Variants in CSTL1 observed in about 807,000 individuals in gnomAD.
CSTL1 encodes the protein cystatin like 1, also known as cystatin-like 1.
CSTL1 carries 14 observed loss-of-function variants against 14.4 expected under a neutral mutation model. The ratio of observed to expected loss-of-function variants is 0.97; its 90% confidence interval spans 0.64 to 1.52. The LOEUF is 1.52. CSTL1 is among the 40% of genes most tolerant of loss of function. CSTL1 has a pLI of 0.00. For missense variants in CSTL1, 170 were observed against 168.7 expected, an observed-to-expected ratio of 1.01 and a Z score of -0.04; for synonymous variants, 72 against 67.5, an observed-to-expected ratio of 1.07 and a Z score of -0.33.
chr20:23,444,197 G>A (rs1435775335), intron 3 of CSTL1, among the ~76,000 whole-genome samples, 153 bp downstream of exon 3: 1 of 152,258 alleles, frequency 6.6e-6, no homozygotes, highest in Non-Finnish European at 1.5e-5. Flanking sequence ...CCTGGGTGAA[G>A]GAGGGAGGCT....
At chr20:23,445,620 G>A (rs954702319), downstream of CSTL1, among the ~76,000 whole-genome samples, 1 of 152,028 alleles carries the variant, frequency 6.6e-6, no homozygotes, top group Admixed American at 6.6e-5. Flanking sequence ...TTCTTTCTAC[G>A]CCACCCCACA....
the CSTL1 span, chr20:23,452,670 A>G: frequency 6.2e-7 from 1 of 1,614,086 alleles, no homozygotes; most frequent in Non-Finnish European, 8.5e-7. Context: ...ATCCACTGCA[A>G]GCTGTCCTTC....
chr20:23,449,298 A>T (rs1195266503), downstream of CSTL1, among the ~76,000 whole-genome samples: 1 of 152,130 alleles, frequency 6.6e-6, no homozygotes, highest in Non-Finnish European at 1.5e-5. Context: ...TAGGGAATTC[A>T]TGCCCCCTAA....
rs1032543237 is a variant in CSTL1 at position 23,440,377 on chromosome 20, G to A, written c.110G>A (p.Ser37Asn). 6.2e-7 allele frequency: 1 copy of A among 1,614,148 alleles called. No homozygotes were observed. The change falls in exon 2 of 4, where the codon AGC becomes AAC. Residue 37 changes from serine to asparagine, a missense_variant. Transcript: ENST00000347397. ...GAGGGCTTCCAGCAGAAGCTCATGA[G>A]CAAGAAGAACATGAATTCAACACTC... is the stretch of plus-strand genomic sequence containing the variant. ...RWEGFQQKLM[S>N]KKNMNSTLNF... is the part of the protein sequence containing the mutation.
Position 23,444,752 on chromosome 20 carries a change from T to C in CSTL1, c.331-19T>C. On this transcript the variant is annotated intron_variant, in intron 3 of 3. Transcript: ENST00000347397. ...GAAAAATACTTCCCCCAAAGTCTGT[T>C]TTCTTTCTTCTTCTACAGAGTTTAA... 6.4e-7 allele frequency: 1 copy of C among 1,550,914 alleles called. No homozygotes were observed. Among genetic ancestry groups the C allele is most frequent in the Non-Finnish European group, 8.9e-7 (1 of 1,122,424 alleles).
chr20:23,459,712 A>T, the CSTL1 span, among the ~76,000 whole-genome samples: 2 of 152,256 alleles, frequency 1.3e-5, no homozygotes, highest in Non-Finnish European at 2.9e-5. Context: ...TCACAACTGT[A>T]TCTCCAGGGC....
At chr20:23,444,293 C>A (rs186867315) in intron 3 of CSTL1, among the ~76,000 whole-genome samples, 166 of 152,350 alleles carry the variant, frequency 1.1e-3, no homozygotes, top group African/African-American at 3.8e-3. Flanking sequence ...AGACCCTCTG[C>A]GTGAAAGCAG....
chr20:23,444,164 G>A, intron 3 of CSTL1, 120 bp downstream of exon 3: 1 of 819,856 alleles, frequency 1.2e-6, no homozygotes. Flanking sequence ...CAGCCCTGGG[G>A]CTGTCTGGCA....
At chr20:23,449,593 G>A (rs11908625), downstream of CSTL1, among the ~76,000 whole-genome samples, 13,114 of 152,184 alleles carry the variant, frequency 0.086, 1,338 homozygotes, top group African/African-American at 0.24. Flanking sequence ...ACATGGAGGA[G>A]GAAGTGGAGT....
chr20:23,459,003 T>A, the CSTL1 span: 1 of 152,302 alleles, frequency 6.6e-6, no homozygotes, highest in Non-Finnish European at 1.5e-5. Context: ...GTGCTGTAGC[T>A]CTGTCTTGGT....
At chr20:23,451,919 A>G in the CSTL1 span, 11 of 1,612,932 alleles carry the variant, frequency 6.8e-6, no homozygotes, top group Non-Finnish European at 9.3e-6. Context: ...GTGGTCAGTG[A>G]CCTGTGGGCG....
At chr20:23,448,742 A>G (rs1987014301), downstream of CSTL1, among the ~76,000 whole-genome samples, 1 of 152,212 alleles carries the variant, frequency 6.6e-6, no homozygotes, top group Admixed American at 6.5e-5. Context: ...ACCATAGCAA[A>G]AAATGTCAGA....
the CSTL1 span, chr20:23,450,388 A>C: frequency 1.6e-6 from 1 of 636,772 alleles, no homozygotes; most frequent in Non-Finnish European, 2.6e-6. Context: ...AAAGAAAAAA[A>C]GTGGAATCAC....
In CSTL1 at chr20:23,440,043, T is replaced by G. The variant is rs547530600; in HGVS notation, c.-124-101T>G. On this transcript the variant is annotated intron_variant, in intron 1 of 3. Coordinates refer to ENST00000347397, the MANE Select transcript of CSTL1 (RefSeq NM_138283.1). ...CAGGTGTTTAAAAATTTTGCTTGCC[T>G]GGATCACCAAAGAACTGAATGGGTG... 44 of 563,752 alleles carry G rather than the reference T, an allele frequency of 7.8e-5. No individual in the cohort carries two copies. The African/African-American group carries it at 7.9e-4, about 10-fold the overall frequency. The allele number at this position is 563,752 out of a possible 1,614,324, so 34.9% of individuals were successfully genotyped here. A position where few individuals can be genotyped will look rare whatever the true frequency, so the allele number is the denominator to read the frequency against.
At chr20:23,452,007 G>A in the CSTL1 span, 35 of 925,730 alleles carry the variant, frequency 3.8e-5, no homozygotes, top group Non-Finnish European at 5.9e-5. Context: ...GCTACCCCAC[G>A]TCCAAGGGCA....
downstream of CSTL1, chr20:23,445,034 C>A (rs1038717446): frequency 1.5e-6 from 1 of 652,026 alleles, no homozygotes; most frequent in South Asian, 1.7e-5. Flanking sequence ...AACCCACACA[C>A]ACAATGCTCA....
chr20:23,457,806 G>A, the CSTL1 span: 2 of 152,254 alleles, frequency 1.3e-5, no homozygotes, highest in East Asian at 3.9e-4. Flanking sequence ...CCTTTTTGAA[G>A]TGTGATTTTA....
At chr20:23,443,187 G>A (rs1472836236) in intron 2 of CSTL1, among the ~76,000 whole-genome samples, 2 of 152,196 alleles carry the variant, frequency 1.3e-5, no homozygotes, top group African/African-American at 2.4e-5. Context: ...AGAGTCTGCA[G>A]GGGGTAAAGC....
chr20:23,450,829 A>G, the CSTL1 span, among the ~76,000 whole-genome samples: 1 of 152,190 alleles, frequency 6.6e-6, no homozygotes. Context: ...TGCGCAGCCC[A>G]TATTCACCAT....
Sources: allele counts gnomAD v4.1 joint callset (sites outside exome capture counted in the v4.1 genomes callset), GRCh38; gene constraint gnomAD v4.1.1; transcripts MANE v1.5; gene names NCBI Gene and HGNC (gene_info 2026-07-23, HGNC 2026-07-21).